VPS35: variants seen among roughly 807,000 people sequenced by gnomAD.
VPS35 encodes the protein VPS35 retromer complex component, also known as vacuolar protein sorting-associated protein 35.
A neutral mutation model predicts 98.1 loss-of-function variants in VPS35; 21 were observed. That is an observed-to-expected ratio of 0.21 (90% CI 0.15 to 0.31). The LOEUF is 0.31. Ranked by LOEUF, VPS35 falls within the 10% of genes least tolerant of loss-of-function variation. The pLI is 1.00. For synonymous variants in VPS35, 268 were observed against 318.2 expected (o/e 0.84, Z 1.68); for missense variants, 554 against 950.8 (o/e 0.58, Z 5.49).
chr16:46,676,741 T>G (rs529995457), intron 7 of VPS35, 49 bp from the exon 8 acceptor site: 2 of 1,306,330 alleles, frequency 1.5e-6, no homozygotes, highest in Admixed American at 1.7e-5. Flanking sequence ...CGTAATATTC[T>G]GGACTCACAT....
rs1000102437 is a variant in VPS35 at position 46,657,188 on chromosome 16, T to C, written c.*3284A>G. ...GGAATTCAAGTGTATGGTAAATGTGTAGATACTGGCACCTGAATCAGTGTC... is the reference window on the plus strand; with the variant it reads ...GGAATTCAAGTGTATGGTAAATGTGCAGATACTGGCACCTGAATCAGTGTC... On this transcript the variant is annotated 3_prime_UTR_variant, in exon 17 of 17. Coordinates refer to ENST00000299138, the MANE Select transcript of VPS35 (RefSeq NM_018206.6). 9 of 152,196 alleles carry C rather than the reference T, an allele frequency of 5.9e-5. No individual in the cohort carries two copies. Among genetic ancestry groups the C allele is most frequent in the African/African-American group, 1.9e-4 (8 of 41,434 alleles). The allele number at this position is 152,196 out of a possible 1,614,324, so 9.4% of individuals were successfully genotyped here.
rs1966245549 is a variant in VPS35, at chr16:46,682,186, A to G, written c.103-11T>C. The G allele has an allele frequency of 1.3e-6, 2 of 1,595,710 alleles. No homozygotes were observed. The highest frequency in any genetic ancestry group is 1.7e-6 in the Non-Finnish European group (2 of 1,163,406). The stretch of plus-strand genomic sequence containing the variant: ...AAGCTTGTTTTTGTCCTACAGAAAT[A>G]CCAAGAGAATAGATGAGAATGCTTA... On this transcript the variant is annotated splice_polypyrimidine_tract_variant and intron_variant, in intron 2 of 16. Coordinates refer to ENST00000299138, the MANE Select transcript of VPS35 (RefSeq NM_018206.6).
chr16:46,672,468 C>G lies in VPS35; in HGVS notation c.1165G>C (p.Ala389Pro). 6.2e-7 allele frequency: 1 copy of G among 1,611,714 alleles called. No individual in the cohort carries two copies. Among genetic ancestry groups the G allele is most frequent in the Non-Finnish European group, 8.5e-7 (1 of 1,179,408 alleles). The change falls in exon 11 of 17, where the codon GCT becomes CCT. Residue 389 changes from alanine to proline, a missense_variant. Physicochemically the swap from Ala to Pro is conservative, Grantham distance 27. This residue lies in a region of VPS35 where 254 missense variants were observed against 390.1 expected (regional missense o/e 0.65). Coordinates refer to ENST00000299138, the MANE Select transcript of VPS35 (RefSeq NM_018206.6). ...TCCTTTGAAACTGCACTACTGGTAG[C>G]AATACTACAAAAAGAAAAACAGAAG... ...IFNKLNLEHI[A>P]TSSAVSKELT...
Position 46,676,690 on chromosome 16 carries a change from A to T in VPS35, c.807T>A (p.Val269=). 1 of 1,603,206 alleles carries T rather than the reference A, an allele frequency of 6.2e-7. No homozygotes were observed. Among genetic ancestry groups the T allele is most frequent in the Non-Finnish European group, 8.5e-7 (1 of 1,170,212 alleles). Residue 269 remains valine (V), a splice_region_variant and synonymous_variant, in exon 8 of 17, where the codon GTT becomes GTA. Coordinates refer to ENST00000299138, the MANE Select transcript of VPS35 (RefSeq NM_018206.6). The part of the protein sequence containing the change: ...QEYLMECIIQ[V]FPDEFHLQTL... ...TCTGGAGGTGAAATTCATCAGGGAA[A>T]ACCTGAAAATCAAATGATCAATACA...
At position 46,656,868 on chromosome 16, in the gene VPS35, T is replaced by C. The variant is rs1356932561; in HGVS notation, c.*3604A>G. ...TAAAAATACAAAAATTAGCCAGGCA[T>C]GGTGGTGCACGCCTGTAATCCCAGC... On this transcript the variant is annotated 3_prime_UTR_variant, in exon 17 of 17. Coordinates refer to ENST00000299138, the MANE Select transcript of VPS35 (RefSeq NM_018206.6). 1 of 152,188 alleles carries C rather than the reference T, an allele frequency of 6.6e-6. No individual in the cohort carries two copies. The highest frequency in any genetic ancestry group is 1.5e-5 in the Non-Finnish European group (1 of 68,086). 9.4% of individuals were successfully genotyped at this position (152,188 alleles called of 1,614,324 possible). A position where few individuals can be genotyped will look rare whatever the true frequency, so the allele number is the denominator to read the frequency against.
At chr16:46,687,538 C>T (rs1966336004) in intron 1 of VPS35, among the ~76,000 whole-genome samples, 1 of 152,136 alleles carries the variant, frequency 6.6e-6, no homozygotes, top group Non-Finnish European at 1.5e-5. Flanking sequence ...GCAAAACTAT[C>T]CCTCCATGAC....
chr16:46,666,333 A>G (rs928123519), intron 13 of VPS35, among the ~76,000 whole-genome samples: 2 of 148,662 alleles, frequency 1.3e-5, no homozygotes, highest in Non-Finnish European at 3.0e-5. Flanking sequence ...CAATGGCACG[A>G]TCTCGGCTCA....
chr16:46,680,125 A>G (rs562524030), intron 5 of VPS35, among the ~76,000 whole-genome samples: 1 of 152,238 alleles, frequency 6.6e-6, no homozygotes, highest in Non-Finnish European at 1.5e-5. Context: ...CTGCTGTGGG[A>G]TAAAAGTACA....
chr16:46,671,864 T>C lies in VPS35; in HGVS notation c.1369-4A>G, dbSNP rs773358024. On this transcript the variant is annotated splice_polypyrimidine_tract_variant and splice_region_variant and intron_variant, in intron 11 of 16. Transcript: ENST00000299138. ...CCAAATTCATTATGGAATCCACCTG[T>C]AACATGCGAGGCACAAGAAACCCAC... 7.4e-6 allele frequency: 12 copies of C among 1,612,074 alleles called. No homozygotes were observed. The highest frequency in any genetic ancestry group is 2.1e-4 in the Middle Eastern group (1 of 4,694).
intron 1 of VPS35, among the ~76,000 whole-genome samples, chr16:46,684,472 A>G (rs1268569219): frequency 6.6e-6 from 1 of 152,252 alleles, no homozygotes; most frequent in Non-Finnish European, 1.5e-5. Flanking sequence ...CTGTCCTCAA[A>G]TAGCTTACAC....
intron 1 of VPS35, among the ~76,000 whole-genome samples, chr16:46,685,257 A>G (rs547121479): frequency 2.6e-4 from 39 of 152,368 alleles, no homozygotes; most frequent in African/African-American, 9.1e-4. Context: ...AAGGACTTAC[A>G]CATCAACCTG....
chr16:46,660,918 G>A (rs889405806), intron 16 of VPS35: 2 of 456,558 alleles, frequency 4.4e-6, no homozygotes, highest in Non-Finnish European at 8.2e-6. Context: ...GGCTGAGGTG[G>A]GCAGATCACT....
intron 4 of VPS35, 34 bp downstream of exon 4, chr16:46,681,343 A>G: frequency 6.2e-7 from 1 of 1,612,798 alleles, no homozygotes; most frequent in Non-Finnish European, 8.5e-7. Context: ...TGAGAAATAC[A>G]GACACAAAAG....
At chr16:46,666,393 C>G (rs1012728403) in intron 13 of VPS35, among the ~76,000 whole-genome samples, 1 of 151,934 alleles carries the variant, frequency 6.6e-6, no homozygotes, top group Non-Finnish European at 1.5e-5. Flanking sequence ...CTCAGACTCC[C>G]GAGTAGCTGG....
chr16:46,687,930 G>A (rs1966346918), intron 1 of VPS35, among the ~76,000 whole-genome samples: 1 of 152,132 alleles, frequency 6.6e-6, no homozygotes, highest in African/African-American at 2.4e-5. Flanking sequence ...ACAAAGAATC[G>A]GAGTGTGTAA....
chr16:46,656,812 C>T lies in VPS35; in HGVS notation c.*3660G>A, dbSNP rs879711435. ...ACAAGGTCAGAAGTTCGTGACCAGC[C>T]TGGCCAACATGGTGAAACCCCCATC... is the stretch of plus-strand genomic sequence containing the variant. On this transcript the variant is annotated 3_prime_UTR_variant, in exon 17 of 17. Coordinates refer to ENST00000299138, the MANE Select transcript of VPS35 (RefSeq NM_018206.6). The T allele has an allele frequency of 1.3e-5, 2 of 152,212 alleles. No individual in the cohort carries two copies. Among genetic ancestry groups the T allele is most frequent in the Non-Finnish European group, 1.5e-5 (1 of 68,072 alleles). The allele number at this position is 152,212 out of a possible 1,614,324, so 9.4% of individuals were successfully genotyped here.
In VPS35 at chr16:46,658,324, C is replaced by G. The variant is rs1965860253; in HGVS notation, c.*2148G>C. 1 of 153,764 alleles carries G rather than the reference C, an allele frequency of 6.5e-6. No individual in the cohort carries two copies. Among genetic ancestry groups the G allele is most frequent in the Admixed American group, 6.5e-5 (1 of 15,280 alleles). The allele number at this position is 153,764 out of a possible 1,614,324, so 9.5% of individuals were successfully genotyped here. On this transcript the variant is annotated 3_prime_UTR_variant, in exon 17 of 17. Transcript: ENST00000299138. ...TCTTCTGTAACTACAGGTCTGTCTT[C>G]ACAGCAGACTAACGTTCTTGAAGCT...
chr16:46,663,861 A>ATTTTTTTTT (rs1567262302), intron 13 of VPS35, among the ~76,000 whole-genome samples: 1 of 19,448 alleles, frequency 5.1e-5, no homozygotes, highest in Non-Finnish European at 1.2e-4. Flanking sequence ...ACACCTGGCT[A>ATTTTTTTTT]ATTTTTTTTT....
chr16:46,677,480 C>T lies in VPS35; in HGVS notation c.721-82G>A. On this transcript the variant is annotated intron_variant, in intron 6 of 16. Transcript: ENST00000299138. ...TTCCTCTAGTAACGCATTTGAACTACTAACTTGAAAATCGTATTTGAGATT... is the reference window on the plus strand; with the variant it reads ...TTCCTCTAGTAACGCATTTGAACTATTAACTTGAAAATCGTATTTGAGATT... 4.4e-6 allele frequency: 5 copies of T among 1,136,352 alleles called. No homozygotes were observed. The South Asian group carries it at 6.3e-5, about 14-fold the overall frequency. 70.4% of individuals were successfully genotyped at this position (1,136,352 alleles called of 1,614,324 possible).
Sources: gnomAD v4.1 joint callset for allele counts (sites outside exome capture counted in the v4.1 genomes callset) on GRCh38, gnomAD v4.1.1 for gene constraint, gnomAD v4.1.1 regional missense constraint, MANE v1.5 for transcripts, NCBI Gene and HGNC (gene_info 2026-07-23, HGNC 2026-07-21) for gene names.